Variants in ZNF577 observed in about 807,000 individuals in gnomAD.
ZNF577 encodes zinc finger protein 577.
Under a neutral mutation model 13.9 loss-of-function variants are expected in ZNF577, and 14 were observed. That is an observed-to-expected ratio of 1.00 (90% CI 0.66 to 1.57). The LOEUF (loss-of-function observed/expected upper bound fraction) is 1.57, where lower values mean the gene tolerates loss of function less well. ZNF577 is among the 40% of genes most tolerant of loss of function. ZNF577 has a pLI of 0.00. For missense variants in ZNF577, 555 were observed against 579.2 expected, an observed-to-expected ratio of 0.96 and a Z score of 0.43; for synonymous variants, 203 against 202.9, an observed-to-expected ratio of 1.00 and a Z score of 0.00.
At position 51,880,714 on chromosome 19, in the gene ZNF577, T is replaced by C. The variant is rs1272953391; in HGVS notation, c.-55A>G. 4 of 315,010 alleles carry C rather than the reference T, an allele frequency of 1.3e-5. No individual in the cohort carries two copies. The highest frequency in any genetic ancestry group is 2.4e-5 in the Non-Finnish European group (4 of 166,954). The allele number at this position is 315,010 out of a possible 1,614,324, so 19.5% of individuals were successfully genotyped here. ...CCCATTTCGTTCAACTCTTAGGGGC[T>C]AGCAACTCTAGTATGTTCTCTCTCT... On this transcript the variant is annotated 5_prime_UTR_variant, in exon 2 of 6. Transcript: ENST00000638348.
At chr19:51,804,519 T>C (rs1437141214), downstream of ZNF577, among the ~76,000 whole-genome samples, 1 of 152,208 alleles carries the variant, frequency 6.6e-6, no homozygotes. Context: ...TCAAAATTCA[T>C]ATATTAATTT....
rs550017705 is a variant in ZNF577 at position 51,851,342 on chromosome 19, G to A, written c.284-6411C>T. On this transcript the variant is annotated intron_variant and NMD_transcript_variant, in intron 5 of 10. Transcript: ENST00000638827. The stretch of plus-strand genomic sequence containing the variant: ...CCAAAGTTCACACAGCCAATGAGTA[G>A]CAGAAATAGATTAAAAATTAATCTT... Among the ~76,000 whole-genome samples the A allele has an allele frequency of 2.0e-5, 3 of 152,186 alleles. No homozygotes were observed. In the South Asian group the frequency reaches 6.2e-4, roughly 32 times the overall value.
At chr19:51,810,290 T>C (rs2084087426) in intron 10 of ZNF577, among the ~76,000 whole-genome samples, 1 of 152,194 alleles carries the variant, frequency 6.6e-6, no homozygotes, top group South Asian at 2.1e-4. Flanking sequence ...TGCCAGTGCA[T>C]GTTTACAATC....
intron 9 of ZNF577, among the ~76,000 whole-genome samples, chr19:51,838,671 A>C (rs947632793): frequency 6.7e-6 from 1 of 149,932 alleles, no homozygotes; most frequent in South Asian, 2.1e-4. Flanking sequence ...AAGTTTAAAT[A>C]TGCGTTTAAC....
At chr19:51,874,477 T>C (rs931181601) in intron 5 of ZNF577, among the ~76,000 whole-genome samples, 28 of 143,018 alleles carry the variant, frequency 2.0e-4, no homozygotes, top group African/African-American at 6.7e-4. Context: ...CAGAAAAAAC[T>C]TAGGTGTGAT....
At position 51,872,866 on chromosome 19, in the gene ZNF577, G is replaced by A. The variant is rs10407911; in HGVS notation, c.1124C>T (p.Thr375Ile). 0.047 allele frequency: 75,105 copies of A among 1,613,978 alleles called. 5,892 individuals carry two copies. Among genetic ancestry groups the A allele is most frequent in the South Asian group, 0.23 (21,348 of 91,078 alleles). Reference protein sequence around the residue: ...HMSVLIKHEKTHIRETAINSL... With the variant: ...HMSVLIKHEKIHIRETAINSL... ...ATTTATGGCTGTCTCTCTTATGTGAGTTTTCTCATGTTTAATGAGGACTGA... is the reference window on the plus strand; with the variant it reads ...ATTTATGGCTGTCTCTCTTATGTGAATTTTCTCATGTTTAATGAGGACTGA... Residue 375 changes from threonine to isoleucine, a missense_variant, in exon 6 of 6, where the codon ACT (threonine) becomes ATT (isoleucine). Thr to Ile is a moderately conservative substitution (Grantham distance 89). Transcript: ENST00000638348.
At chr19:51,864,046 A>G (rs548398418), downstream of ZNF577, among the ~76,000 whole-genome samples, 14 of 152,362 alleles carry the variant, frequency 9.2e-5, no homozygotes, top group African/African-American at 2.6e-4. Flanking sequence ...TAGTGGGAGC[A>G]GGATGACATG....
intron 5 of ZNF577, among the ~76,000 whole-genome samples, chr19:51,874,663 T>A (rs1410332737): frequency 6.6e-6 from 1 of 152,132 alleles, no homozygotes; most frequent in East Asian, 1.9e-4. Flanking sequence ...CACCAAACAT[T>A]TTTTTGCCAA....
At chr19:51,881,947 AG>A (rs2084867942) in intron 1 of ZNF577, among the ~76,000 whole-genome samples, 1 of 152,168 alleles carries the variant, frequency 6.6e-6, no homozygotes. Context: ...AAGACTCTCT[AG>A]CAAGCCTGTA....
At position 51,871,284 on chromosome 19, in the gene ZNF577, ATTTTTTTT is replaced by A; in HGVS notation, c.*1240_*1247del. On this transcript the variant is annotated 3_prime_UTR_variant, in exon 6 of 6. Transcript: ENST00000638348. The stretch of plus-strand genomic sequence containing the variant: ...CACACCACCATGTCCAGCTATTATT[ATTTTTTTT>A]TTTTTTTGTAGAGGTAGTCTCGCTA... The A allele has an allele frequency of 7.9e-6, 1 of 126,908 alleles. No homozygotes were observed. The highest frequency in any genetic ancestry group is 3.1e-5 in the African/African-American group (1 of 31,892). 7.9% of individuals were successfully genotyped at this position (126,908 alleles called of 1,614,324 possible). A position where few individuals can be genotyped will look rare whatever the true frequency, so the allele number is the denominator to read the frequency against.
Position 51,867,549 on chromosome 19 carries a change from C to T in ZNF577, c.*4983G>A, listed in dbSNP as rs752531408. ...CAGCACTTTGGGAGGCTGAGGTGGGCGGATCACAAGGTCAGGAGTTCGAGA... is the reference window on the plus strand; with the variant it reads ...CAGCACTTTGGGAGGCTGAGGTGGGTGGATCACAAGGTCAGGAGTTCGAGA... On this transcript the variant is annotated 3_prime_UTR_variant, in exon 6 of 6. Transcript: ENST00000638348. 2.2e-4 allele frequency among the ~76,000 whole-genome samples: 33 copies of T among 149,808 alleles called. No homozygotes were observed. The highest frequency in any genetic ancestry group is 4.6e-4 in the Non-Finnish European group (31 of 67,584).
chr19:51,867,290 G>T lies in ZNF577; in HGVS notation c.*5242C>A, dbSNP rs1328249404. Among the ~76,000 whole-genome samples the T allele has an allele frequency of 6.6e-6, 1 of 152,028 alleles. No homozygotes were observed. The highest frequency in any genetic ancestry group is 2.4e-5 in the African/African-American group (1 of 41,390). On this transcript the variant is annotated 3_prime_UTR_variant, in exon 6 of 6. Transcript: ENST00000638348. Reference sequence around the variant, plus strand: ...GCAAAACCTCACCGGGGCTTTTATCGTTTTTTTCTTCGGTTCTTAGGAAAA... The same window carrying T: ...GCAAAACCTCACCGGGGCTTTTATCTTTTTTTTCTTCGGTTCTTAGGAAAA...
At chr19:51,885,661 G>A (rs926036590) in intron 1 of ZNF577, among the ~76,000 whole-genome samples, 4 of 152,132 alleles carry the variant, frequency 2.6e-5, no homozygotes, top group East Asian at 3.9e-4. Context: ...ACAGACACCC[G>A]CTACCACGCC....
At chr19:51,864,254 T>C (rs1324385436), downstream of ZNF577, among the ~76,000 whole-genome samples, 1 of 152,166 alleles carries the variant, frequency 6.6e-6, no homozygotes, top group Non-Finnish European at 1.5e-5. Context: ...CCTTTTTATA[T>C]GAAGCTTTAA....
chr19:51,834,464 T>C (rs1342649644), intron 9 of ZNF577, among the ~76,000 whole-genome samples: 1 of 152,234 alleles, frequency 6.6e-6, no homozygotes, highest in Non-Finnish European at 1.5e-5. Flanking sequence ...AATCTAAGGC[T>C]TTAAATTATA....
chr19:51,878,436 A>C lies in ZNF577; in HGVS notation c.140T>G (p.Leu47Trp), dbSNP rs986974574. 2.6e-5 allele frequency: 42 copies of C among 1,614,028 alleles called. No individual in the cohort carries two copies. The highest frequency in any genetic ancestry group is 3.5e-5 in the Non-Finnish European group (41 of 1,180,004). Residue 47 changes from leucine to tryptophan, a missense_variant, in exon 4 of 6, where the codon TTG (leucine) becomes TGG (tryptophan). Transcript: ENST00000638348. ...WQFLDQSQKV[L>W]YKEVMLENYI... Reference sequence around the variant, plus strand: ...GTTCTCCAACATTACTTCCTTGTACAAGACCTTCTGAGACTGGTCCAAAAA... The same window carrying C: ...GTTCTCCAACATTACTTCCTTGTACCAGACCTTCTGAGACTGGTCCAAAAA...
At chr19:51,864,592 TAAG>T (rs921788113), downstream of ZNF577, among the ~76,000 whole-genome samples, 1 of 152,154 alleles carries the variant, frequency 6.6e-6, no homozygotes, top group Admixed American at 6.5e-5. Flanking sequence ...CCTCGAGATA[TAAG>T]GAGAAAGTAA....
At chr19:51,864,651 G>A (rs940345714), downstream of ZNF577, among the ~76,000 whole-genome samples, 8 of 152,112 alleles carry the variant, frequency 5.3e-5, no homozygotes, top group South Asian at 2.1e-4. Flanking sequence ...TGAGTGAAAC[G>A]GTGAAGCAAG....
At chr19:51,843,634 A>ACAATAAAGG (rs1190700783) in intron 6 of ZNF577, among the ~76,000 whole-genome samples, 1 of 152,246 alleles carries the variant, frequency 6.6e-6, no homozygotes, top group East Asian at 1.9e-4. Context: ...TACAATAAAA[A>ACAATAAAGG]CAATAAAGGT....
Sources: gnomAD v4.1 joint callset for allele counts (sites outside exome capture counted in the v4.1 genomes callset) on GRCh38, gnomAD v4.1.1 for gene constraint, MANE v1.5 for transcripts, NCBI Gene and HGNC (gene_info 2026-07-23, HGNC 2026-07-21) for gene names.